The following HFM1 variants were observed in gnomAD, a reference collection of about 807,000 sequenced individuals.
HFM1 encodes the protein probable ATP-dependent DNA helicase HFM1.
HFM1 carries 169 observed loss-of-function variants against 192.1 expected under a neutral mutation model. The ratio of observed to expected loss-of-function variants is 0.88; its 90% confidence interval spans 0.78 to 1.00. The LOEUF is 1.00. HFM1 is among the 50% of genes least tolerant of loss of function. HFM1 has a pLI of 0.00. For missense variants in HFM1, 1,661 were observed against 1,668.0 expected, an observed-to-expected ratio of 1.00 and a Z score of 0.07; for synonymous variants, 525 against 537.8, an observed-to-expected ratio of 0.98 and a Z score of 0.33.
upstream of HFM1, among the ~76,000 whole-genome samples, chr1:91,407,909 A>C (rs139659527): frequency 8.5e-5 from 13 of 152,348 alleles, no homozygotes; most frequent in East Asian, 2.3e-3. Context: ...ATTAGTCAGT[A>C]GAAATTGATA....
At position 91,385,732 on chromosome 1, in the gene HFM1, G is replaced by A; in HGVS notation, c.597C>T (p.Asn199=). The change falls in exon 5 of 39, where the codon AAC becomes AAT. Residue 199 remains asparagine, a synonymous_variant. Coordinates refer to ENST00000370425, the MANE Select transcript of HFM1 (RefSeq NM_001017975.6). ...GSVKIVQTEM[N]KGKSRNYSNS... ...TGCTATAGTTCCTTGATTTCCCTTT[G>A]TTCATTTCTGTTTGTACAATTTTCA... 1.2e-6 allele frequency: 2 copies of A among 1,612,464 alleles called. No individual in the cohort carries two copies. The highest frequency in any genetic ancestry group is 1.7e-6 in the Non-Finnish European group (2 of 1,178,748).
intron 20 of HFM1, among the ~76,000 whole-genome samples, chr1:91,329,992 G>C (rs1653568396): frequency 6.6e-6 from 1 of 152,146 alleles, no homozygotes; most frequent in Non-Finnish European, 1.5e-5. Context: ...TAGCAGATGG[G>C]AGGAACTGCT....
In HFM1 at chr1:91,262,566, T is replaced by G; in HGVS notation, c.4001A>C (p.Asp1334Ala). ...NSFVSSHEMS[D>A]ISLSNSAMPK... ...CATAGCAGAATTTGATAAAGAAATA[T>G]CCGACATCTCATGTGATGAAACAAA... is the stretch of plus-strand genomic sequence containing the variant. The change falls in exon 37 of 39, where the codon GAT (aspartate) becomes GCT (alanine). Residue 1334 changes from aspartate to alanine, a missense_variant. Coordinates refer to ENST00000370425, the MANE Select transcript of HFM1 (RefSeq NM_001017975.6). 1 of 1,602,198 alleles carries G rather than the reference T, an allele frequency of 6.2e-7. No individual in the cohort carries two copies. Among genetic ancestry groups the G allele is most frequent in the East Asian group, 2.2e-5 (1 of 44,640 alleles).
chr1:91,290,865 T>G (rs1668664172), intron 30 of HFM1, among the ~76,000 whole-genome samples: 1 of 152,076 alleles, frequency 6.6e-6, no homozygotes, highest in African/African-American at 2.4e-5. Flanking sequence ...CAGACCACAG[T>G]GCAATCAAAC....
At chr1:91,309,620 G>A (rs1033107848) in intron 30 of HFM1, among the ~76,000 whole-genome samples, 6 of 152,118 alleles carry the variant, frequency 3.9e-5, no homozygotes, top group Admixed American at 6.5e-5. Context: ...ATAGTCTGAT[G>A]CTGCTATTCT....
chr1:91,295,355 G>C (rs1456597345), intron 30 of HFM1, among the ~76,000 whole-genome samples: 1 of 152,296 alleles, frequency 6.6e-6, no homozygotes, highest in African/African-American at 2.4e-5. Context: ...GAGGCTACAA[G>C]TCCAAGATCA....
chr1:91,336,953 C>T (rs556471750), intron 20 of HFM1, among the ~76,000 whole-genome samples: 11 of 152,244 alleles, frequency 7.2e-5, no homozygotes, highest in African/African-American at 2.6e-4. Flanking sequence ...AGCTGGAAGC[C>T]GTTATCCTCA....
intron 2 of HFM1, among the ~76,000 whole-genome samples, chr1:91,399,140 C>T (rs184022507): frequency 2.6e-5 from 4 of 152,238 alleles, no homozygotes; most frequent in African/African-American, 9.6e-5. Flanking sequence ...AGGTATTGTT[C>T]TAGGCACTAG....
chr1:91,300,465 G>A (rs1441065751), intron 30 of HFM1, among the ~76,000 whole-genome samples: 1 of 152,116 alleles, frequency 6.6e-6, no homozygotes, highest in Non-Finnish European at 1.5e-5. Flanking sequence ...ACCAAAGCCT[G>A]GCAGAGACAC....
At chr1:91,315,518 T>G (rs1570921157) in intron 28 of HFM1, among the ~76,000 whole-genome samples, 3 of 152,188 alleles carry the variant, frequency 2.0e-5, no homozygotes, top group South Asian at 2.1e-4. Context: ...CATGGATGAC[T>G]GGAGAAAAGC....
chr1:91,360,732 C>A (rs1658383624), intron 13 of HFM1, among the ~76,000 whole-genome samples: 1 of 152,124 alleles, frequency 6.6e-6, no homozygotes, highest in East Asian at 1.9e-4. Context: ...TCAAATTCAA[C>A]AGAATATACA....
intron 38 of HFM1, 105 bp from the exon 39 acceptor site, chr1:91,261,464 A>T: frequency 2.1e-6 from 1 of 487,250 alleles, no homozygotes; most frequent in Non-Finnish European, 3.4e-6. Flanking sequence ...AAACTTGAAG[A>T]TTGCTATGAA....
At chr1:91,308,540 TA>T (rs1649978716) in intron 30 of HFM1, among the ~76,000 whole-genome samples, 1 of 152,194 alleles carries the variant, frequency 6.6e-6, no homozygotes, top group South Asian at 2.1e-4. Context: ...ATACTTTTTT[TA>T]AAGAGATGTG....
intron 14 of HFM1, 24 bp downstream of exon 14, chr1:91,353,232 T>C: frequency 1.3e-6 from 2 of 1,577,428 alleles, no homozygotes; most frequent in Non-Finnish European, 8.7e-7. Context: ...GAAAATGCTA[T>C]TCAAAAATTA....
chr1:91,305,812 C>T (rs1649516738), intron 30 of HFM1, among the ~76,000 whole-genome samples: 1 of 152,106 alleles, frequency 6.6e-6, no homozygotes, highest in South Asian at 2.1e-4. Flanking sequence ...AAGTGATCCT[C>T]CTACCTCGGC....
chr1:91,289,703 A>C (rs1668490290), intron 30 of HFM1, among the ~76,000 whole-genome samples: 1 of 152,156 alleles, frequency 6.6e-6, no homozygotes. Context: ...CTACCAAAAA[A>C]TACAAAAACC....
chr1:91,342,688 T>C (rs1263735308), intron 20 of HFM1, among the ~76,000 whole-genome samples: 1 of 152,204 alleles, frequency 6.6e-6, no homozygotes, highest in Non-Finnish European at 1.5e-5. Context: ...CTCTTGTTAA[T>C]ACATTTTGTT....
chr1:91,399,683 ACTT>A (rs1181888721), intron 2 of HFM1, among the ~76,000 whole-genome samples: 1 of 152,038 alleles, frequency 6.6e-6, no homozygotes, highest in African/African-American at 2.4e-5. Flanking sequence ...TCAAATGCCC[ACTT>A]CTTCTCTTTC....
intron 30 of HFM1, among the ~76,000 whole-genome samples, chr1:91,297,787 C>G (rs1647898783): frequency 6.6e-6 from 1 of 152,194 alleles, no homozygotes; most frequent in Non-Finnish European, 1.5e-5. Flanking sequence ...AAAACCCCAT[C>G]TGTTCGTCAC....
Sources: allele counts gnomAD v4.1 joint callset (sites outside exome capture counted in the v4.1 genomes callset), GRCh38; gene constraint gnomAD v4.1.1; transcripts MANE v1.5; gene names NCBI Gene and HGNC (gene_info 2026-07-23, HGNC 2026-07-21).